Variants in ZNF17 observed in about 807,000 individuals in gnomAD.
The protein encoded by ZNF17 is zinc finger protein 17 (HPF3, KOX 10).
In ZNF17, 4 loss-of-function variants were observed where a neutral mutation model predicts 7.7. The observed-to-expected ratio is 0.52, with a 90% CI of 0.26 to 1.20. The LOEUF is 1.20. Among genes scored for constraint, ZNF17 ranks in the 50% most tolerant of loss-of-function variants. ZNF17 has a pLI of 0.14. For missense variants in ZNF17, 738 were observed against 799.5 expected, an observed-to-expected ratio of 0.92 and a Z score of 0.93; for synonymous variants, 249 against 258.8, an observed-to-expected ratio of 0.96 and a Z score of 0.36.
At chr19:57,415,164 G>A (rs2088804104) in intron 2 of ZNF17, among the ~76,000 whole-genome samples, 1 of 152,148 alleles carries the variant, frequency 6.6e-6, no homozygotes, top group Non-Finnish European at 1.5e-5. Flanking sequence ...GTGGAGGTGG[G>A]AGGGGTGGGT....
intron 2 of ZNF17, among the ~76,000 whole-genome samples, chr19:57,415,620 C>T (rs2088806874): frequency 6.6e-6 from 1 of 152,038 alleles, no homozygotes; most frequent in Non-Finnish European, 1.5e-5. Context: ...TGTTGGGCAC[C>T]TGGATGGGGT....
chr19:57,416,479 AAGGT>A (rs1250551398), intron 2 of ZNF17, among the ~76,000 whole-genome samples: 1 of 151,746 alleles, frequency 6.6e-6, no homozygotes, highest in Non-Finnish European at 1.5e-5. Context: ...TGACAAAAGA[AAGGT>A]AGGCCCCCAT....
At position 57,420,062 on chromosome 19, in the gene ZNF17, C is replaced by T; in HGVS notation, c.576C>T (p.Tyr192=). The T allele has an allele frequency of 6.2e-7, 1 of 1,614,208 alleles. No homozygotes were observed. The highest frequency in any genetic ancestry group is 8.5e-7 in the Non-Finnish European group (1 of 1,180,038). The change falls in exon 4 of 4, where the codon TAC becomes TAT. Residue 192 remains tyrosine, a synonymous_variant. Coordinates refer to ENST00000307658, the MANE Select transcript of ZNF17 (RefSeq NM_001330617.2). Reference sequence around the variant, plus strand: ...CCTTTCAAAGTGGACAGAATAATTACAGCTGCACCCAATGTGGGAAAGACT... The same window carrying T: ...CCTTTCAAAGTGGACAGAATAATTATAGCTGCACCCAATGTGGGAAAGACT... ...VEAFQSGQNN[Y]SCTQCGKDFC...
At position 57,420,039 on chromosome 19, in the gene ZNF17, T is replaced by C; in HGVS notation, c.553T>C (p.Phe185Leu). Residue 185 changes from phenylalanine (F) to leucine (L), a missense_variant, in exon 4 of 4, where the codon TTT becomes CTT. Physicochemically the swap from Phe to Leu is conservative, Grantham distance 22. Around this residue, in one of 3 missense-constraint regions of ZNF17, gnomAD observed 616 missense variants for 663.9 expected, o/e 0.93. Transcript: ENST00000307658. ...CAGGGACACTCATGGTGTGGAGGCC[T>C]TTCAAAGTGGACAGAATAATTACAG... ...PHRDTHGVEA[F>L]QSGQNNYSCT... 1 of 1,614,178 alleles carries C rather than the reference T, an allele frequency of 6.2e-7. No homozygotes were observed. The highest frequency in any genetic ancestry group is 1.3e-5 in the African/African-American group (1 of 75,026).
At chr19:57,411,432 C>G (rs760231023) in intron 1 of ZNF17, 26 bp downstream of exon 1, 2 of 1,608,036 alleles carry the variant, frequency 1.2e-6, no homozygotes, top group South Asian at 2.2e-5. Flanking sequence ...CAGGGCGCCC[C>G]GCCCGATCCC....
In ZNF17 at chr19:57,421,644, A is replaced by G; in HGVS notation, c.*163A>G. The G allele has an allele frequency of 1.4e-6, 1 of 738,904 alleles. No homozygotes were observed. The allele number at this position is 738,904 out of a possible 1,614,324, so 45.8% of individuals were successfully genotyped here. A position where few individuals can be genotyped will look rare whatever the true frequency, so the allele number is the denominator to read the frequency against. ...GTGTATAGTTCAGTACTGTTAAGTC[A>G]TTCACATTGTGCAATGAATATCTAG... On this transcript the variant is annotated 3_prime_UTR_variant, in exon 4 of 4. Coordinates refer to ENST00000307658, the MANE Select transcript of ZNF17 (RefSeq NM_001330617.2).
chr19:57,414,854 G>A (rs908064425), intron 2 of ZNF17, among the ~76,000 whole-genome samples: 1 of 152,094 alleles, frequency 6.6e-6, no homozygotes, highest in African/African-American at 2.4e-5. Flanking sequence ...GGGATTACAG[G>A]CACCTGCCAT....
chr19:57,414,340 T>G (rs2088798054), intron 2 of ZNF17, among the ~76,000 whole-genome samples: 1 of 150,362 alleles, frequency 6.7e-6, no homozygotes, highest in Non-Finnish European at 1.5e-5. Flanking sequence ...GGCCTTGTTT[T>G]TTTTTTTTTT....
intron 2 of ZNF17, among the ~76,000 whole-genome samples, chr19:57,416,637 G>A (rs1260188137): frequency 6.6e-6 from 1 of 152,066 alleles, no homozygotes; most frequent in Non-Finnish European, 1.5e-5. Flanking sequence ...AGCCTCCCGA[G>A]TAGCTGGGAT....
chr19:57,414,091 T>G (rs1280360186), intron 2 of ZNF17, among the ~76,000 whole-genome samples: 1 of 152,158 alleles, frequency 6.6e-6, no homozygotes, highest in African/African-American at 2.4e-5. Context: ...TGGAGTGCAG[T>G]GGCGCGATCT....
At position 57,421,553 on chromosome 19, in the gene ZNF17, C is replaced by G; in HGVS notation, c.*72C>G. 1.4e-6 allele frequency: 2 copies of G among 1,478,684 alleles called. No individual in the cohort carries two copies. Among genetic ancestry groups the G allele is most frequent in the African/African-American group, 1.4e-5 (1 of 70,804 alleles). 91.6% of individuals were successfully genotyped at this position (1,478,684 alleles called of 1,614,324 possible). ...TACTCTGATTTAGCACTGGGACCTA[C>G]GTTTTAAAAAAAGTATTCTTGTAGA... On this transcript the variant is annotated 3_prime_UTR_variant, in exon 4 of 4. Coordinates refer to ENST00000307658, the MANE Select transcript of ZNF17 (RefSeq NM_001330617.2).
At position 57,421,232 on chromosome 19, in the gene ZNF17, A is replaced by C. The variant is rs1368780203; in HGVS notation, c.1746A>C (p.Arg582Ser). Residue 582 changes from arginine to serine, a missense_variant, in exon 4 of 4, where the codon AGA becomes AGC. Around this residue, in one of 3 missense-constraint regions of ZNF17, gnomAD observed 116 missense variants for 114.0 expected, o/e 1.02. Transcript: ENST00000307658. ...ACCAAAAAGTTCACACTAGGGAAAGAACTTACAAATGCAGCAAATGTGGGA... is the reference window on the plus strand; with the variant it reads ...ACCAAAAAGTTCACACTAGGGAAAGCACTTACAAATGCAGCAAATGTGGGA... ...IRHQKVHTRE[R>S]TYKCSKCGKF... 6 of 1,614,008 alleles carry C rather than the reference A, an allele frequency of 3.7e-6. No homozygotes were observed. The highest frequency in any genetic ancestry group is 5.1e-6 in the Non-Finnish European group (6 of 1,180,032).
rs760101261 is a variant in ZNF17, at chr19:57,420,418, A to G, written c.932A>G (p.Lys311Arg). 18 of 1,614,218 alleles carry G rather than the reference A, an allele frequency of 1.1e-5. 1 individual carries two copies. Among genetic ancestry groups the G allele is most frequent in the South Asian group, 2.2e-5 (2 of 91,090 alleles). ...PRPYVCSECG[K>R]AFLTQAHLVG... ...CCTTATGTGTGTAGTGAATGTGGGA[A>G]GGCCTTCCTTACACAGGCTCACCTT... Residue 311 changes from lysine to arginine, a missense_variant, in exon 4 of 4, where the codon AAG (lysine) becomes AGG (arginine). By Grantham distance (26) the Lys-to-Arg change is conservative. Coordinates refer to ENST00000307658, the MANE Select transcript of ZNF17 (RefSeq NM_001330617.2).
intron 2 of ZNF17, 115 bp downstream of exon 2, chr19:57,413,751 A>AG: frequency 7.6e-7 from 1 of 1,308,116 alleles, no homozygotes; most frequent in Non-Finnish European, 1.1e-6. Context: ...CTTGGGTCCA[A>AG]GGAGAGCCTG....
At chr19:57,414,367 C>T (rs1204980106) in intron 2 of ZNF17, among the ~76,000 whole-genome samples, 1 of 148,262 alleles carries the variant, frequency 6.7e-6, no homozygotes, top group African/African-American at 2.5e-5. Context: ...CAGAGGCTAA[C>T]TCTGTCGCCC....
intron 3 of ZNF17, among the ~76,000 whole-genome samples, chr19:57,418,453 G>A (rs1387486996): frequency 6.6e-6 from 1 of 152,012 alleles, no homozygotes; most frequent in Non-Finnish European, 1.5e-5. Context: ...ATTTCTGCAG[G>A]ACTCTCCACT....
rs1434003713 is a variant in ZNF17, at chr19:57,411,227, C to G, written c.-200C>G. On this transcript the variant is annotated 5_prime_UTR_variant, in exon 1 of 4. Transcript: ENST00000307658. ...TGTTCACCTTCAGGCTGAGTCGAGACTGAGGTGAAAAAGCGGAAAAACGCG... is the reference window on the plus strand; with the variant it reads ...TGTTCACCTTCAGGCTGAGTCGAGAGTGAGGTGAAAAAGCGGAAAAACGCG... The G allele has an allele frequency of 1.0e-6, 1 of 962,416 alleles. No homozygotes were observed. 59.6% of individuals were successfully genotyped at this position (962,416 alleles called of 1,614,324 possible). A position where few individuals can be genotyped will look rare whatever the true frequency, so the allele number is the denominator to read the frequency against.
At position 57,418,426 on chromosome 19, in the gene ZNF17, G is replaced by T. The variant is rs145742922; in HGVS notation, c.148+388G>T. On this transcript the variant is annotated intron_variant, in intron 3 of 3. Transcript: ENST00000307658. ...TCAGGGACCTACCTCGTCACTGCTT[G>T]TGAGGACTGTGGGCTTATTTCTGCA... 3.0e-3 allele frequency among the ~76,000 whole-genome samples: 451 copies of T among 152,204 alleles called. 2 individuals are homozygous for T. The highest frequency in any genetic ancestry group is 9.7e-3 in the African/African-American group (404 of 41,510).
rs774257628 is a variant in ZNF17, at chr19:57,420,302, A to C, written c.816A>C (p.Gly272=). 6.2e-7 allele frequency: 1 copy of C among 1,614,100 alleles called. No individual in the cohort carries two copies. The highest frequency in any genetic ancestry group is 1.7e-5 in the Admixed American group (1 of 60,004). Residue 272 remains glycine (G), a synonymous_variant, in exon 4 of 4, where the codon GGA becomes GGC. Transcript: ENST00000307658. ...NVVQHQKIHT[G]ERPYECSECG... ...TTCAACACCAGAAAATTCACACTGGAGAAAGGCCTTATGAGTGCAGTGAAT... is the reference window on the plus strand; with the variant it reads ...TTCAACACCAGAAAATTCACACTGGCGAAAGGCCTTATGAGTGCAGTGAAT...
Sources: gnomAD v4.1 joint callset for allele counts (sites outside exome capture counted in the v4.1 genomes callset) on GRCh38, gnomAD v4.1.1 for gene constraint, gnomAD v4.1.1 regional missense constraint, MANE v1.5 for transcripts, NCBI Gene and HGNC (gene_info 2026-07-23, HGNC 2026-07-21) for gene names.